Variants in FRAS1 observed in about 807,000 individuals in gnomAD.
FRAS1 encodes the protein extracellular matrix organizing protein FRAS1.
A neutral mutation model predicts 435.2 loss-of-function variants in FRAS1; 290 were observed. That is an observed-to-expected ratio of 0.67 (90% CI 0.61 to 0.73). The LOEUF is 0.73. FRAS1 is among the 30% of genes least tolerant of loss of function. The pLI is 0.00. For synonymous variants in FRAS1, 1,800 were observed against 1,851.0 expected (o/e 0.97, Z 0.71); for missense variants, 4,860 against 5,001.5 (o/e 0.97, Z 0.85).
rs1733804094 is a variant in FRAS1, at chr4:78,421,918, G to A, written c.4596G>A (p.Glu1532=). 6.2e-7 allele frequency: 1 copy of A among 1,613,704 alleles called. No homozygotes were observed. Among genetic ancestry groups the A allele is most frequent in the Admixed American group, 1.7e-5 (1 of 59,978 alleles). Residue 1532 remains glutamate (E), a synonymous_variant, in exon 34 of 74, where the codon GAG becomes GAA. Coordinates refer to ENST00000512123, the MANE Select transcript of FRAS1 (RefSeq NM_025074.7). The stretch of plus-strand genomic sequence containing the variant: ...CTCCTATCCGGTATTTCACGCAAGA[G>A]GATATTAACCAGGGCAAAGTCATGT... ...PHSPIRYFTQ[E]DINQGKVMYR...
At chr4:78,158,179 T>C (rs987252063) in intron 2 of FRAS1, among the ~76,000 whole-genome samples, 1 of 152,228 alleles carries the variant, frequency 6.6e-6, no homozygotes, top group Non-Finnish European at 1.5e-5. Context: ...TGATTCCATA[T>C]GAATTTTAGA....
At chr4:78,294,818 T>G (rs1480588812) in intron 14 of FRAS1, among the ~76,000 whole-genome samples, 1 of 152,032 alleles carries the variant, frequency 6.6e-6, no homozygotes, top group East Asian at 1.9e-4. Flanking sequence ...ATTACCAAAA[T>G]TCCCCCCAAA....
chr4:78,451,968 T>A, intron 46 of FRAS1, 77 bp downstream of exon 46: 1 of 1,431,252 alleles, frequency 7.0e-7, no homozygotes, highest in Non-Finnish European at 9.5e-7. Context: ...TTTGTTCACC[T>A]CGAGGCTCGA....
At chr4:78,395,202 T>A (rs1228716380) in intron 29 of FRAS1, among the ~76,000 whole-genome samples, 1 of 152,004 alleles carries the variant, frequency 6.6e-6, no homozygotes, top group Non-Finnish European at 1.5e-5. Context: ...CTAATTGCTC[T>A]GGCTGGGATG....
At chr4:78,294,802 A>AATTGGG (rs753272991) in intron 14 of FRAS1, among the ~76,000 whole-genome samples, 6 of 152,216 alleles carry the variant, frequency 3.9e-5, no homozygotes, top group Non-Finnish European at 8.8e-5. Context: ...CTCCATCATT[A>AATTGGG]GGAAAATTAC....
At position 78,446,422 on chromosome 4, in the gene FRAS1, ATACTTG is replaced by A. The variant is rs1439588762; in HGVS notation, c.5857-297_5857-292del. The A allele has an allele frequency of 4.4e-6, 5 of 1,132,230 alleles. No individual in the cohort carries two copies. The Admixed American group carries it at 2.5e-4, about 56-fold the overall frequency. 70.1% of individuals were successfully genotyped at this position (1,132,230 alleles called of 1,614,324 possible). A position where few individuals can be genotyped will look rare whatever the true frequency, so the allele number is the denominator to read the frequency against. ...GGTCTTTTATCTTCAAAGTATGTTA[ATACTTG>A]TACTTGTCAAAGCACATATCCATAT... On this transcript the variant is annotated intron_variant, in intron 42 of 73. Coordinates refer to ENST00000512123, the MANE Select transcript of FRAS1 (RefSeq NM_025074.7).
chr4:78,166,110 G>A (rs1488939271), intron 2 of FRAS1, among the ~76,000 whole-genome samples: 3 of 152,128 alleles, frequency 2.0e-5, no homozygotes, highest in Admixed American at 1.3e-4. Flanking sequence ...ATACCTACCA[G>A]TGTACTTTGG....
At chr4:78,239,500 G>C (rs1356340091) in intron 3 of FRAS1, among the ~76,000 whole-genome samples, 1 of 152,072 alleles carries the variant, frequency 6.6e-6, no homozygotes, top group African/African-American at 2.4e-5. Context: ...TAGCCACAGT[G>C]ATCCTAATAT....
chr4:78,187,259 A>G (rs748186178), intron 2 of FRAS1, among the ~76,000 whole-genome samples: 1 of 152,172 alleles, frequency 6.6e-6, no homozygotes, highest in Non-Finnish European at 1.5e-5. Context: ...GGAGTGATGA[A>G]AGGGGAGAGG....
intron 20 of FRAS1, among the ~76,000 whole-genome samples, chr4:78,341,181 G>T (rs1460254346): frequency 6.6e-6 from 1 of 152,166 alleles, no homozygotes; most frequent in African/African-American, 2.4e-5. Context: ...TGATTTTAAA[G>T]GTGAGTGAGA....
intron 6 of FRAS1, among the ~76,000 whole-genome samples, chr4:78,260,083 G>A (rs9760341): frequency 8.6e-5 from 13 of 151,728 alleles, no homozygotes; most frequent in African/African-American, 3.2e-4. Flanking sequence ...GGTACCAGTA[G>A]CATGCTGTTT....
intron 2 of FRAS1, among the ~76,000 whole-genome samples, chr4:78,179,852 G>A (rs1215588237): frequency 1.3e-5 from 2 of 152,214 alleles, no homozygotes; most frequent in African/African-American, 4.8e-5. Flanking sequence ...TGGGCAGTTG[G>A]TGCAAGGATG....
chr4:78,169,426 C>T (rs1282338080), intron 2 of FRAS1, among the ~76,000 whole-genome samples: 3 of 151,990 alleles, frequency 2.0e-5, no homozygotes, highest in East Asian at 1.9e-4. Flanking sequence ...TACCTGGTGT[C>T]GCCTTTGTCA....
Position 78,488,877 on chromosome 4 carries a change from C to A in FRAS1, c.8755C>A (p.Pro2919Thr). The A allele has an allele frequency of 6.2e-7, 1 of 1,611,496 alleles. No individual in the cohort carries two copies. The highest frequency in any genetic ancestry group is 8.5e-7 in the Non-Finnish European group (1 of 1,179,224). The change falls in exon 59 of 74, where the codon CCC becomes ACC. Residue 2919 changes from proline to threonine, a missense_variant and splice_region_variant. Coordinates refer to ENST00000512123, the MANE Select transcript of FRAS1 (RefSeq NM_025074.7). ...IAINDTFQDV[P>T]SMQFAKDLLL... Reference sequence around the variant, plus strand: ...TGTCTTTCTGTCTGCCCACCTAGTGCCCAGCATGCAGTTTGCCAAGGATTT... The same window carrying A: ...TGTCTTTCTGTCTGCCCACCTAGTGACCAGCATGCAGTTTGCCAAGGATTT...
rs376817555 is a variant in FRAS1, at chr4:78,446,828, G to C, written c.5958G>C (p.Leu1986=). 6.2e-7 allele frequency: 1 copy of C among 1,612,364 alleles called. No individual in the cohort carries two copies. Among genetic ancestry groups the C allele is most frequent in the Non-Finnish European group, 8.5e-7 (1 of 1,179,362 alleles). ...ATTCTTCTTTGAGCCTGCAAGACCT[G>C]GACACCCCAGATAATGAGCTCATTT... The part of the protein sequence containing the change: ...ISNSSLSLQD[L]DTPDNELIFV... Residue 1986 remains leucine, a synonymous_variant, in exon 43 of 74, where the codon CTG becomes CTC. Transcript: ENST00000512123.
intron 61 of FRAS1, among the ~76,000 whole-genome samples, chr4:78,501,415 C>T (rs570881777): frequency 3.3e-5 from 5 of 152,122 alleles, no homozygotes; most frequent in Admixed American, 1.3e-4. Context: ...TTAATAGTGC[C>T]GCAGTAAACA....
chr4:78,314,891 T>C (rs748934765), intron 15 of FRAS1, among the ~76,000 whole-genome samples: 11 of 152,196 alleles, frequency 7.2e-5, no homozygotes, highest in Non-Finnish European at 1.5e-4. Flanking sequence ...ATTTTCATTG[T>C]GCCTATATAG....
chr4:78,504,991 T>G (rs1233804214), intron 61 of FRAS1, among the ~76,000 whole-genome samples: 2 of 152,228 alleles, frequency 1.3e-5, no homozygotes, highest in Admixed American at 6.5e-5. Context: ...TGAAGCTTAG[T>G]TTGGCTGGAT....
chr4:78,109,779 G>GAT (rs1468742527), intron 2 of FRAS1, among the ~76,000 whole-genome samples: 18 of 18,054 alleles, frequency 1.0e-3, no homozygotes, highest in East Asian at 2.2e-3. Context: ...GAAATAAAGG[G>GAT]TATTCAATTA....
Sources: gnomAD v4.1 joint callset for allele counts (sites outside exome capture counted in the v4.1 genomes callset) on GRCh38, gnomAD v4.1.1 for gene constraint, MANE v1.5 for transcripts, NCBI Gene and HGNC (gene_info 2026-07-23, HGNC 2026-07-21) for gene names.